Variants in FRAS1 observed in about 807,000 individuals in gnomAD.
The protein encoded by FRAS1 is extracellular matrix organizing protein FRAS1.
Under a neutral mutation model 435.2 loss-of-function variants are expected in FRAS1, and 290 were observed. The observed-to-expected ratio is 0.67, with a 90% CI of 0.61 to 0.73. The LOEUF (loss-of-function observed/expected upper bound fraction) is 0.73. Among genes scored for constraint, FRAS1 ranks in the 30% least tolerant of loss-of-function variants. The pLI is 0.00. For synonymous variants in FRAS1, 1,800 were observed against 1,851.0 expected, an observed-to-expected ratio of 0.97 and a Z score of 0.71; for missense variants, 4,860 against 5,001.5, an observed-to-expected ratio of 0.97 and a Z score of 0.85.
chr4:78,208,840 A>G lies in FRAS1; in HGVS notation c.109-28670A>G, dbSNP rs143398394. 4.9e-3 allele frequency among the ~76,000 whole-genome samples: 747 copies of G among 152,240 alleles called. 6 individuals carry two copies. Among genetic ancestry groups the G allele is most frequent in the African/African-American group, 0.017 (702 of 41,544 alleles). ...CCATAACTTTTCCTAAGTTCATACA[A>G]TATAGAATTCTAGGGGTTGGGCGCA... On this transcript the variant is annotated intron_variant, in intron 2 of 73. Coordinates refer to ENST00000512123, the MANE Select transcript of FRAS1 (RefSeq NM_025074.7).
intron 60 of FRAS1, 101 bp downstream of exon 60, chr4:78,497,062 T>A: frequency 1.1e-6 from 1 of 896,114 alleles, no homozygotes; most frequent in Non-Finnish European, 1.7e-6. Context: ...GCTTTAAGAA[T>A]GCCTACTGAT....
At chr4:78,255,175 C>T in intron 5 of FRAS1, 67 bp from the exon 6 acceptor site, 1 of 1,510,320 alleles carries the variant, frequency 6.6e-7, no homozygotes, top group Admixed American at 2.0e-5. Context: ...GCTGCACGCC[C>T]ATGCAGTCAG....
rs1326792941 is a variant in FRAS1 at position 78,372,256 on chromosome 4, C to T, written c.2870-462C>T. ...TGGTTTTGAGAGATAGAAACCCATG[C>T]AGCTGGTGTTATTGGTGGCAGCAGA... On this transcript the variant is annotated intron_variant, in intron 23 of 73. Transcript: ENST00000512123. Among the ~76,000 whole-genome samples the T allele has an allele frequency of 4.6e-5, 7 of 152,310 alleles. No homozygotes were observed. In the East Asian group the frequency reaches 1.3e-3, roughly 29 times the overall value.
At chr4:78,413,327 C>T (rs1396951513) in intron 32 of FRAS1, among the ~76,000 whole-genome samples, 1 of 152,176 alleles carries the variant, frequency 6.6e-6, no homozygotes, top group Non-Finnish European at 1.5e-5. Context: ...GATGTCCTTT[C>T]TACAGTATTC....
In FRAS1 at chr4:78,154,103, GT is replaced by G. The variant is rs917506732; in HGVS notation, c.109-83397del. 1.9e-3 allele frequency among the ~76,000 whole-genome samples: 287 copies of G among 149,486 alleles called. 3 individuals are homozygous for G. The highest frequency in any genetic ancestry group is 5.5e-3 in the African/African-American group (225 of 40,908). On this transcript the variant is annotated intron_variant, in intron 2 of 73. Transcript: ENST00000512123. Reference sequence around the variant, plus strand: ...TCTTTACAGCCACTTGTAATTTATAGTTTTTTTTTTCTTTTTGCTATTTCAT... The same window carrying G: ...TCTTTACAGCCACTTGTAATTTATAGTTTTTTTTTCTTTTTGCTATTTCAT...
At chr4:78,450,392 G>C in intron 45 of FRAS1, 53 bp downstream of exon 45, 1 of 1,418,292 alleles carries the variant, frequency 7.1e-7, no homozygotes, top group Non-Finnish European at 1.0e-6. Flanking sequence ...ACCTACACTA[G>C]TAAAATGAGA....
At chr4:78,306,314 CT>C in intron 14 of FRAS1, among the ~76,000 whole-genome samples, 1 of 150,392 alleles carries the variant, frequency 6.6e-6, no homozygotes, top group South Asian at 2.1e-4. Flanking sequence ...TTCATTTCAA[CT>C]TTGGTGAATC....
At chr4:78,143,208 C>T (rs1393100250) in intron 2 of FRAS1, among the ~76,000 whole-genome samples, 4 of 152,132 alleles carry the variant, frequency 2.6e-5, no homozygotes, top group Admixed American at 6.5e-5. Flanking sequence ...GCCAATATAG[C>T]TATGATATCT....
intron 70 of FRAS1, among the ~76,000 whole-genome samples, chr4:78,529,399 C>T (rs892619087): frequency 6.6e-6 from 1 of 152,118 alleles, no homozygotes; most frequent in African/African-American, 2.4e-5. Context: ...TACCACCCAC[C>T]TTAAGAAACT....
chr4:78,462,429 A>G (rs992964844), intron 47 of FRAS1, among the ~76,000 whole-genome samples: 28 of 152,158 alleles, frequency 1.8e-4, no homozygotes, highest in African/African-American at 6.5e-4. Context: ...CTGTCTATAT[A>G]TGTAATTTAT....
At chr4:78,153,275 A>C (rs772092184) in intron 2 of FRAS1, among the ~76,000 whole-genome samples, 21 of 151,948 alleles carry the variant, frequency 1.4e-4, no homozygotes, top group Non-Finnish European at 2.8e-4. Context: ...TATGAGCTCT[A>C]TGAGGACAGG....
At chr4:78,108,977 G>T (rs1444406871) in intron 2 of FRAS1, among the ~76,000 whole-genome samples, 1 of 74,404 alleles carries the variant, frequency 1.3e-5, no homozygotes, top group East Asian at 3.2e-4. Flanking sequence ...ACACCTCTAC[G>T]CAAATAAACT....
intron 25 of FRAS1, among the ~76,000 whole-genome samples, chr4:78,375,221 A>G (rs535141670): frequency 4.7e-4 from 72 of 152,342 alleles, no homozygotes; most frequent in Middle Eastern, 3.4e-3. Flanking sequence ...CAATAATAAT[A>G]AGAGATACAA....
chr4:78,302,009 C>A (rs1325660950), intron 14 of FRAS1, among the ~76,000 whole-genome samples: 1 of 151,874 alleles, frequency 6.6e-6, no homozygotes, highest in East Asian at 1.9e-4. Flanking sequence ...CCCCACTCCC[C>A]CCACCCCACA....
At position 78,418,985 on chromosome 4, in the gene FRAS1, TC is replaced by T. The variant is rs1257736144; in HGVS notation, c.4465del (p.Leu1489SerfsTer4). ...EDGLTVIQPHSLSFINSEKPS... is the reference protein window; with the variant it reads ...EDGLTVIQPHXLSFINSEKPS... Reference sequence around the variant, plus strand: ...TGGCCTGACTGTTATTCAGCCTCATTCCCTCTCCTTCATAAACTCTGAGAAG... The same window carrying T: ...TGGCCTGACTGTTATTCAGCCTCATTCCTCTCCTTCATAAACTCTGAGAAG... On this transcript the variant is annotated frameshift_variant, in exon 33 of 74. Transcript: ENST00000512123. LOFTEE classifies it high-confidence loss of function. The T allele has an allele frequency of 1.2e-6, 2 of 1,605,160 alleles. No individual in the cohort carries two copies. The highest frequency in any genetic ancestry group is 1.1e-5 in the South Asian group (1 of 88,562).
At position 78,143,831 on chromosome 4, in the gene FRAS1, G is replaced by C. The variant is rs375097314; in HGVS notation, c.108+77815G>C. Among the ~76,000 whole-genome samples, 11 of 151,070 alleles carry C rather than the reference G, an allele frequency of 7.3e-5. 1 individual carries two copies. The highest frequency in any genetic ancestry group is 6.3e-4 in the South Asian group (3 of 4,776). ...AGGTGGGAGGATTGCTTGAGCCCAG[G>C]GGACAAAGGTTGAAGTGACTCAAGA... On this transcript the variant is annotated intron_variant, in intron 2 of 73. Transcript: ENST00000512123.
Position 78,482,376 on chromosome 4 carries a change from T to G in FRAS1, c.8605-12T>G. 3.7e-6 allele frequency: 6 copies of G among 1,613,762 alleles called. No homozygotes were observed. Among genetic ancestry groups the G allele is most frequent in the Non-Finnish European group, 5.1e-6 (6 of 1,179,748 alleles). ...GGGTCCTCTGTCAAGTTTGCTTTGG[T>G]TTCTCTTCTAGTATTGCACCTTGAC... On this transcript the variant is annotated splice_polypyrimidine_tract_variant and intron_variant, in intron 57 of 73. Transcript: ENST00000512123.
intron 1 of FRAS1, among the ~76,000 whole-genome samples, chr4:78,061,618 T>C (rs1739764784): frequency 6.6e-6 from 1 of 152,220 alleles, no homozygotes; most frequent in Admixed American, 6.5e-5. Flanking sequence ...TTAGGGTAGT[T>C]GCACTCTGGG....
Position 78,429,246 on chromosome 4 carries a change from T to C in FRAS1, c.4843+20T>C. The C allele has an allele frequency of 1.9e-6, 3 of 1,598,748 alleles. No individual in the cohort carries two copies. Among genetic ancestry groups the C allele is most frequent in the East Asian group, 2.2e-5 (1 of 44,564 alleles). On this transcript the variant is annotated intron_variant, in intron 36 of 73. Coordinates refer to ENST00000512123, the MANE Select transcript of FRAS1 (RefSeq NM_025074.7). The stretch of plus-strand genomic sequence containing the variant: ...CTGTAGGTAAGAACTGGGAGCCTGA[T>C]AGAAACATGGCTTTGGAAATGGGAT...
Sources: gnomAD v4.1 joint callset for allele counts (sites outside exome capture counted in the v4.1 genomes callset) on GRCh38, gnomAD v4.1.1 for gene constraint, MANE v1.5 for transcripts, NCBI Gene and HGNC (gene_info 2026-07-23, HGNC 2026-07-21) for gene names.